ERCC6L2: variants seen among roughly 807,000 people sequenced by gnomAD.
ERCC6L2 encodes DNA excision repair protein ERCC-6-like 2.
A neutral mutation model predicts 132.0 loss-of-function variants in ERCC6L2; 77 were observed. That is an observed-to-expected ratio of 0.58 (90% confidence interval 0.49 to 0.71). The LOEUF is 0.71. Ranked by LOEUF, ERCC6L2 falls within the 30% of genes least tolerant of loss-of-function variation. The pLI is 0.00. For synonymous variants in ERCC6L2, 583 were observed against 632.4 expected (o/e 0.92, Z 1.17); for missense variants, 1,542 against 1,837.6 (o/e 0.84, Z 2.94).
chr9:95,999,585 T>C (rs1231364519), intron 17 of ERCC6L2, among the ~76,000 whole-genome samples: 1 of 152,158 alleles, frequency 6.6e-6, no homozygotes, highest in Non-Finnish European at 1.5e-5. Flanking sequence ...ACGTAAATAA[T>C]TGACAATTGC....
intron 19 of ERCC6L2, chr9:96,025,775 T>G (rs1173197968): frequency 6.6e-6 from 1 of 152,242 alleles, no homozygotes; most frequent in African/African-American, 2.4e-5. Context: ...CATTTGGGTC[T>G]ACTCTTCAAC....
chr9:95,939,046 T>C (rs1391397956), intron 11 of ERCC6L2, among the ~76,000 whole-genome samples: 3 of 152,138 alleles, frequency 2.0e-5, no homozygotes, highest in African/African-American at 4.8e-5. Flanking sequence ...GAATGAAGTA[T>C]AGAAATTTTA....
intron 19 of ERCC6L2, among the ~76,000 whole-genome samples, chr9:96,036,415 C>G (rs1834519232): frequency 6.6e-6 from 1 of 152,190 alleles, no homozygotes; most frequent in African/African-American, 2.4e-5. Flanking sequence ...CATTTTGTTT[C>G]TCCATTCATC....
At position 95,972,242 on chromosome 9, in the gene ERCC6L2, G is replaced by T. The variant is rs571601155; in HGVS notation, c.2491G>T (p.Ala831Ser). 46 of 1,304,192 alleles carry T rather than the reference G, an allele frequency of 3.5e-5. No homozygotes were observed. In the African/African-American group the frequency reaches 7.0e-4, roughly 20 times the overall value. 80.8% of individuals were successfully genotyped at this position (1,304,192 alleles called of 1,614,324 possible). ...DEQPTCLSTE[A>S]KDAGCEKNQD... is the part of the protein sequence containing the mutation. Reference sequence around the variant, plus strand: ...GCAGCCCACATGCCTTTCAACAGAAGCCAAAGATGCTGGTTGTGAGAAAAA... The same window carrying T: ...GCAGCCCACATGCCTTTCAACAGAATCCAAAGATGCTGGTTGTGAGAAAAA... The change falls in exon 16 of 19, where the codon GCC (alanine) becomes TCC (serine). Residue 831 changes from alanine (A) to serine (S), a missense_variant. By Grantham distance (99) the Ala-to-Ser change is moderately conservative. This residue lies in a region of ERCC6L2 where 945 missense variants were observed against 1,105.2 expected (regional missense o/e 0.86). Coordinates refer to ENST00000653738, the MANE Select transcript of ERCC6L2 (RefSeq NM_020207.7).
chr9:95,973,011 C>G lies in ERCC6L2; in HGVS notation c.3260C>G (p.Pro1087Arg). 1 of 1,360,506 alleles carries G rather than the reference C, an allele frequency of 7.4e-7. No homozygotes were observed. Among genetic ancestry groups the G allele is most frequent in the Non-Finnish European group, 9.8e-7 (1 of 1,018,702 alleles). 84.3% of individuals were successfully genotyped at this position (1,360,506 alleles called of 1,614,324 possible). The change falls in exon 16 of 19, where the codon CCA (proline) becomes CGA (arginine). Residue 1087 changes from proline to arginine, a missense_variant. Physicochemically the swap from Pro to Arg is moderately radical, Grantham distance 103. Around this residue, in one of 4 missense-constraint regions of ERCC6L2, gnomAD observed 442 missense variants for 583.4 expected, o/e 0.76. Coordinates refer to ENST00000653738, the MANE Select transcript of ERCC6L2 (RefSeq NM_020207.7). ...SHNKKNSTFI[P>R]RKPMKCSNEK... ...AATAAGAAAAATAGCACTTTTATTC[C>G]AAGAAAACCAATGAAATGTTCAAAT... is the stretch of plus-strand genomic sequence containing the variant.
intron 1 of ERCC6L2, chr9:95,876,420 G>A (rs1031441316): frequency 2.1e-5 from 6 of 287,238 alleles, no homozygotes; most frequent in African/African-American, 1.3e-4. Context: ...GTGACCCCGC[G>A]TGTGGCCCAT....
intron 18 of ERCC6L2, chr9:96,004,924 GAAATA>G (rs1833815588): frequency 6.1e-6 from 2 of 330,538 alleles, no homozygotes; most frequent in African/African-American, 4.3e-5. Context: ...ACAAAGAAAT[GAAATA>G]CTTAAGTGCA....
At chr9:95,925,261 A>T (rs1830051372) in intron 9 of ERCC6L2, among the ~76,000 whole-genome samples, 1 of 152,154 alleles carries the variant, frequency 6.6e-6, no homozygotes, top group Non-Finnish European at 1.5e-5. Flanking sequence ...GCAATCATTC[A>T]CCTGATGAAA....
chr9:95,932,793 T>C (rs1322517119), intron 11 of ERCC6L2, among the ~76,000 whole-genome samples: 2 of 152,324 alleles, frequency 1.3e-5, no homozygotes, highest in Non-Finnish European at 2.9e-5. Context: ...AGGAAGAGCA[T>C]GTGGCAGACC....
intron 17 of ERCC6L2, among the ~76,000 whole-genome samples, chr9:95,981,590 A>G (rs922744174): frequency 2.0e-5 from 3 of 152,212 alleles, no homozygotes; most frequent in African/African-American, 7.2e-5. Context: ...TCATTTTAAC[A>G]AGACGAGATG....
intron 11 of ERCC6L2, among the ~76,000 whole-genome samples, chr9:95,938,197 A>G (rs965572489): frequency 6.6e-6 from 1 of 151,978 alleles, no homozygotes; most frequent in African/African-American, 2.4e-5. Context: ...TACTCAGTAT[A>G]ATACCATTAT....
rs1273204372 is a variant in ERCC6L2, at chr9:95,916,264, A to G, written c.988A>G (p.Lys330Glu). ...CCTTTTAGGGAGTGGGACCTACTTC[A>G]AGAAGCAGTTTTCTGACCCAGTAGA... ...PGLLGSGTYFKKQFSDPVEHG... is the reference protein window; with the variant it reads ...PGLLGSGTYFEKQFSDPVEHG... Residue 330 changes from lysine to glutamate, a missense_variant, in exon 6 of 19, where the codon AAG (lysine) becomes GAG (glutamate). Physicochemically the swap from Lys to Glu is moderately conservative, Grantham distance 56. Around this residue, in one of 4 missense-constraint regions of ERCC6L2, gnomAD observed 945 missense variants for 1,105.2 expected, o/e 0.86. Coordinates refer to ENST00000653738, the MANE Select transcript of ERCC6L2 (RefSeq NM_020207.7). The G allele has an allele frequency of 1.2e-6, 2 of 1,614,138 alleles. No individual in the cohort carries two copies. The highest frequency in any genetic ancestry group is 1.1e-5 in the South Asian group (1 of 91,080).
intron 14 of ERCC6L2, chr9:95,968,455 G>T (rs1317075270): frequency 3.9e-5 from 6 of 152,062 alleles, no homozygotes; most frequent in Non-Finnish European, 8.8e-5. Context: ...AATTTATTCA[G>T]GATTGGTTAG....
chr9:95,917,885 A>G (rs903126263), intron 6 of ERCC6L2, among the ~76,000 whole-genome samples: 1 of 152,140 alleles, frequency 6.6e-6, no homozygotes, highest in African/African-American at 2.4e-5. Flanking sequence ...AGAAATATTG[A>G]GTAATTGGTA....
rs1834073067 is a variant in ERCC6L2, at chr9:96,012,703, C to T, written c.4153C>T (p.Leu1385=). Residue 1385 remains leucine (L), a synonymous_variant, in exon 19 of 19, where the codon CTG becomes TTG. Transcript: ENST00000653738. ...CGAAGATACTGTGACATCCCGTTCT[C>T]TGAACAGTGAGTCTGAAACACGTGA... is the stretch of plus-strand genomic sequence containing the variant. ...ASEDTVTSRS[L]NSESETRERR... 1 of 1,367,478 alleles carries T rather than the reference C, an allele frequency of 7.3e-7. No individual in the cohort carries two copies. The highest frequency in any genetic ancestry group is 1.5e-5 in the African/African-American group (1 of 67,724). 84.7% of individuals were successfully genotyped at this position (1,367,478 alleles called of 1,614,324 possible).
At chr9:95,892,998 G>A (rs762957677) in intron 2 of ERCC6L2, among the ~76,000 whole-genome samples, 4 of 152,090 alleles carry the variant, frequency 2.6e-5, no homozygotes, top group Non-Finnish European at 4.4e-5. Context: ...CTTTTGGGTT[G>A]ATATGATATT....
intron 6 of ERCC6L2, among the ~76,000 whole-genome samples, chr9:95,916,975 G>A (rs889294602): frequency 5.3e-5 from 8 of 152,058 alleles, no homozygotes; most frequent in East Asian, 1.9e-4. Context: ...GTGAGCCACC[G>A]TGCCTGGCCT....
intron 17 of ERCC6L2, among the ~76,000 whole-genome samples, chr9:95,979,149 A>G (rs776660268): frequency 5.9e-5 from 9 of 152,220 alleles, no homozygotes; most frequent in Non-Finnish European, 1.2e-4. Context: ...GGCTAATTTT[A>G]TTGACTTTCC....
At chr9:95,951,596 C>A (rs1255581166) in intron 12 of ERCC6L2, among the ~76,000 whole-genome samples, 1 of 151,980 alleles carries the variant, frequency 6.6e-6, no homozygotes, top group Non-Finnish European at 1.5e-5. Context: ...AAATAATTAA[C>A]ATCAAAAATG....
Sources: gnomAD v4.1 joint callset for allele counts (sites outside exome capture counted in the v4.1 genomes callset) on GRCh38, gnomAD v4.1.1 for gene constraint, gnomAD v4.1.1 regional missense constraint, MANE v1.5 for transcripts, NCBI Gene and HGNC (gene_info 2026-07-23, HGNC 2026-07-21) for gene names.